Variants in SPRED2 observed in about 807,000 individuals in gnomAD.
SPRED2 encodes sprouty-related, EVH1 domain-containing protein 2.
A neutral mutation model predicts 43.0 loss-of-function variants in SPRED2; 47 were observed. The ratio of observed to expected loss-of-function variants is 1.09; its 90% confidence interval spans 0.87 to 1.40. The LOEUF (loss-of-function observed/expected upper bound fraction) is 1.40, where lower values mean the gene tolerates loss of function less well. Among genes scored for constraint, SPRED2 ranks in the 40% most tolerant of loss-of-function variants. The probability of loss-of-function intolerance (pLI) is 0.00; values close to 1 mark genes in which losing one functional copy is unlikely to be tolerated. For synonymous variants in SPRED2, 225 were observed against 225.7 expected, an observed-to-expected ratio of 1.00 and a Z score of 0.03; for missense variants, 561 against 586.4, an observed-to-expected ratio of 0.96 and a Z score of 0.45.
intron 1 of SPRED2, among the ~76,000 whole-genome samples, chr2:65,387,903 C>T (rs1258095674): frequency 6.6e-6 from 1 of 152,050 alleles, no homozygotes; most frequent in Admixed American, 6.6e-5. Flanking sequence ...AGCGATTCTC[C>T]TGCCTCCGCC....
intron 1 of SPRED2, among the ~76,000 whole-genome samples, chr2:65,410,018 G>A (rs1364633062): frequency 1.4e-5 from 2 of 144,928 alleles, no homozygotes; most frequent in African/African-American, 5.1e-5. Flanking sequence ...AACAGAGTGA[G>A]ACTCTGCCTC....
At chr2:65,404,450 A>C (rs560008458) in intron 1 of SPRED2, among the ~76,000 whole-genome samples, 1 of 152,304 alleles carries the variant, frequency 6.6e-6, no homozygotes, top group East Asian at 1.9e-4. Flanking sequence ...ATCTCCTCTC[A>C]TCTCTTTATT....
intron 1 of SPRED2, among the ~76,000 whole-genome samples, chr2:65,397,829 A>G (rs1675793281): frequency 1.3e-5 from 2 of 152,150 alleles, no homozygotes; most frequent in Non-Finnish European, 2.9e-5. Flanking sequence ...CAATCTACAA[A>G]TTCAATGCAA....
chr2:65,338,382 C>T (rs1264407346), intron 2 of SPRED2, among the ~76,000 whole-genome samples: 1 of 150,228 alleles, frequency 6.7e-6, no homozygotes, highest in Non-Finnish European at 1.5e-5. Flanking sequence ...CATCTCGGCT[C>T]GCTGCAGCCT....
At chr2:65,386,907 A>G (rs1007001284) in intron 1 of SPRED2, among the ~76,000 whole-genome samples, 3 of 152,202 alleles carry the variant, frequency 2.0e-5, no homozygotes, top group Non-Finnish European at 4.4e-5. Flanking sequence ...TGTCTGCTTT[A>G]GAGACCCAGC....
Position 65,338,780 on chromosome 2 carries a change from C to G in SPRED2, c.205-4007G>C, listed in dbSNP as rs1162732573. ...GCCCATCGTCTGGGATGTGAGGAGC[C>G]CCTCTGCCTGGCTGCCCAGTCTGGA... is the stretch of plus-strand genomic sequence containing the variant. On this transcript the variant is annotated intron_variant, in intron 2 of 5. Coordinates refer to ENST00000356388, the MANE Select transcript of SPRED2 (RefSeq NM_181784.3). Among the ~76,000 whole-genome samples, 7 of 150,932 alleles carry G rather than the reference C, an allele frequency of 4.6e-5. No individual in the cohort carries two copies. The East Asian group carries it at 1.4e-3, about 30-fold the overall frequency.
chr2:65,373,108 T>C (rs1248456597), intron 1 of SPRED2, among the ~76,000 whole-genome samples: 3 of 152,210 alleles, frequency 2.0e-5, no homozygotes, highest in Non-Finnish European at 4.4e-5. Context: ...AAACAGCCCA[T>C]AATTAATGGA....
chr2:65,431,283 G>A (rs1382626591), intron 1 of SPRED2, among the ~76,000 whole-genome samples: 7 of 151,294 alleles, frequency 4.6e-5, no homozygotes, highest in Non-Finnish European at 8.9e-5. Flanking sequence ...GCCTCGGTCC[G>A]CCCCGAGCCG....
intron 4 of SPRED2, among the ~76,000 whole-genome samples, chr2:65,322,898 T>C (rs1400937267): frequency 2.6e-5 from 4 of 152,236 alleles, no homozygotes; most frequent in Non-Finnish European, 5.9e-5. Flanking sequence ...TATTAATATG[T>C]GAATTAAACA....
At chr2:65,318,655 T>C (rs1031231241) in intron 4 of SPRED2, among the ~76,000 whole-genome samples, 21 of 152,056 alleles carry the variant, frequency 1.4e-4, no homozygotes, top group Admixed American at 7.9e-4. Flanking sequence ...CATTTGCTTA[T>C]ATATATATTT....
chr2:65,404,580 G>A (rs1675979680), intron 1 of SPRED2, among the ~76,000 whole-genome samples: 2 of 152,260 alleles, frequency 1.3e-5, no homozygotes, highest in South Asian at 4.1e-4. Context: ...TACTTCTTGA[G>A]CCTCTATTAT....
intron 2 of SPRED2, among the ~76,000 whole-genome samples, chr2:65,343,737 A>G (rs1306839506): frequency 1.3e-5 from 2 of 152,260 alleles, no homozygotes; most frequent in African/African-American, 4.8e-5. Context: ...TTCATAACAT[A>G]GAACTGAACA....
intron 1 of SPRED2, among the ~76,000 whole-genome samples, chr2:65,413,344 G>C (rs1676204716): frequency 6.6e-6 from 1 of 152,206 alleles, no homozygotes; most frequent in Non-Finnish European, 1.5e-5. Context: ...AGGGAGGCCA[G>C]CCAATACCCA....
rs750279586 is a variant in SPRED2 at position 65,313,831 on chromosome 2, G to A, written c.927C>T (p.Cys309=). The stretch of plus-strand genomic sequence containing the variant: ...GGTTGAACATGTCCCTGCAGTACAC[G>A]CACCGCGAGCGCTCTCCGTCCTCCT... The part of the protein sequence containing the change: ...RRKEDGERSR[C]VYCRDMFNHE... The change falls in exon 6 of 6, where the codon TGC becomes TGT. Residue 309 remains cysteine, a synonymous_variant. Transcript: ENST00000356388. 3.1e-6 allele frequency: 5 copies of A among 1,612,726 alleles called. No homozygotes were observed. Among genetic ancestry groups the A allele is most frequent in the South Asian group, 2.2e-5 (2 of 91,068 alleles).
intron 3 of SPRED2, among the ~76,000 whole-genome samples, chr2:65,333,544 T>A (rs1673877175): frequency 6.6e-6 from 1 of 152,222 alleles, no homozygotes; most frequent in African/African-American, 2.4e-5. Flanking sequence ...TGAAATGTTG[T>A]GCAATTAAGT....
chr2:65,309,473 T>A (rs1056171259), downstream of SPRED2, among the ~76,000 whole-genome samples: 1 of 139,744 alleles, frequency 7.2e-6, no homozygotes, highest in African/African-American at 2.7e-5. Context: ...GCCACTGCAT[T>A]CTAGCAAGGG....
At position 65,399,999 on chromosome 2, in the gene SPRED2, A is replaced by C. The variant is rs374403542; in HGVS notation, c.26+31963T>G. ...AAAATTAAAAAACAAAAAAACAAAA[A>C]CCCCCAACAAAGTACCTGAGCTAGT... On this transcript the variant is annotated intron_variant, in intron 1 of 5. Transcript: ENST00000356388. 6.7e-5 allele frequency among the ~76,000 whole-genome samples: 10 copies of C among 149,086 alleles called. No homozygotes were observed. The South Asian group carries it at 1.0e-3, about 16-fold the overall frequency.
At chr2:65,365,569 A>C (rs1674947725) in intron 1 of SPRED2, among the ~76,000 whole-genome samples, 1 of 152,230 alleles carries the variant, frequency 6.6e-6, no homozygotes, top group Admixed American at 6.5e-5. Context: ...AACAGGATTT[A>C]CTGCTATACA....
chr2:65,344,836 TC>T lies in SPRED2; in HGVS notation c.86del (p.Gly29AspfsTer47). The T allele has an allele frequency of 6.2e-7, 1 of 1,614,008 alleles. No individual in the cohort carries two copies. Among genetic ancestry groups the T allele is most frequent in the Non-Finnish European group, 8.5e-7 (1 of 1,180,004 alleles). The part of the protein sequence containing the change: ...VVMTRDDSSG[G>X]WFPQEGGGIS... ...TCCCGCCTCCTTCCTGTGGGAACCA[TC>T]CCCCGCTGGAGTCATCTCTGGTCAT... On this transcript the variant is annotated frameshift_variant, in exon 2 of 6. Transcript: ENST00000356388. LOFTEE classifies it high-confidence loss of function.
Sources: gnomAD v4.1 joint callset for allele counts (sites outside exome capture counted in the v4.1 genomes callset) on GRCh38, gnomAD v4.1.1 for gene constraint, MANE v1.5 for transcripts, NCBI Gene and HGNC (gene_info 2026-07-23, HGNC 2026-07-21) for gene names.